The following VSTM4 variants were observed in gnomAD, a reference collection of about 807,000 sequenced individuals.
VSTM4 encodes the protein V-set and transmembrane domain-containing protein 4.
VSTM4 carries 20 observed loss-of-function variants against 36.4 expected under a neutral mutation model. The observed-to-expected ratio is 0.55, with a 90% CI of 0.39 to 0.80. The LOEUF is 0.80. VSTM4 is among the 30% of genes least tolerant of loss of function. The pLI, the probability that VSTM4 is intolerant of heterozygous loss-of-function variation, is 0.00. For missense variants in VSTM4, 392 were observed against 404.5 expected, an observed-to-expected ratio of 0.97 and a Z score of 0.26; for synonymous variants, 182 against 173.9, an observed-to-expected ratio of 1.05 and a Z score of -0.37.
intron 4 of VSTM4, among the ~76,000 whole-genome samples, chr10:49,068,433 G>A (rs759787457): frequency 3.9e-5 from 6 of 152,296 alleles, no homozygotes; most frequent in Non-Finnish European, 8.8e-5. Flanking sequence ...GGAGCCCGAT[G>A]AGGCCAGACA....
intron 7 of VSTM4, among the ~76,000 whole-genome samples, chr10:49,022,121 A>ATT (rs35764389): frequency 0.037 from 4,219 of 114,996 alleles, 80 homozygotes; most frequent in Non-Finnish European, 0.053. Flanking sequence ...TAATGCATTT[A>ATT]TTTTTTTTTA....
In VSTM4 at chr10:49,084,578, A is replaced by G. The variant is rs372376188; in HGVS notation, c.526+1377T>C. Among the ~76,000 whole-genome samples, 49 of 152,344 alleles carry G rather than the reference A, an allele frequency of 3.2e-4. No homozygotes were observed. The South Asian group carries it at 0.01, about 32-fold the overall frequency. ...TGGCCCTCCTTCTGCCAGATCATAC[A>G]ATGGGTTAACAAAGGGTGACAGTAA... On this transcript the variant is annotated intron_variant, in intron 3 of 7. Coordinates refer to ENST00000332853, the MANE Select transcript of VSTM4 (RefSeq NM_001031746.5).
chr10:49,077,819 CTT>C (rs1347185952), intron 3 of VSTM4, among the ~76,000 whole-genome samples: 1 of 152,152 alleles, frequency 6.6e-6, no homozygotes, highest in East Asian at 1.9e-4. Flanking sequence ...CTATACTTGA[CTT>C]TACCAAAATT....
intron 1 of VSTM4, among the ~76,000 whole-genome samples, chr10:49,115,153 T>C (rs1490491380): frequency 6.6e-6 from 1 of 152,066 alleles, no homozygotes. Context: ...GGCCTGCCGC[T>C]GGGAAGATCT....
Position 49,048,465 on chromosome 10 carries a change from G to A in VSTM4, c.775+13C>T, listed in dbSNP as rs1590085401. On this transcript the variant is annotated intron_variant, in intron 6 of 7. Transcript: ENST00000332853. ...ATAGTTTCCAGGTAAGAAACTGCAG[G>A]CCAGCTCCTTACCTTTGGCAGGGAC... 2.5e-6 allele frequency: 4 copies of A among 1,571,758 alleles called. No homozygotes were observed. In the East Asian group the frequency reaches 6.8e-5, roughly 27 times the overall value.
chr10:49,105,331 G>A (rs111209283), intron 2 of VSTM4, among the ~76,000 whole-genome samples: 22,267 of 116,530 alleles, frequency 0.19, 2,316 homozygotes, highest in African/African-American at 0.34. Flanking sequence ...GAGAGAGACG[G>A]GGGGGGGAGA....
chr10:49,074,206 T>C (rs949736262), intron 4 of VSTM4, among the ~76,000 whole-genome samples: 1 of 152,270 alleles, frequency 6.6e-6, no homozygotes, highest in Non-Finnish European at 1.5e-5. Context: ...CTCAGTGTGC[T>C]ATAAATTGCT....
intron 2 of VSTM4, among the ~76,000 whole-genome samples, chr10:49,106,833 C>G (rs576978542): frequency 1.1e-4 from 16 of 152,248 alleles, no homozygotes; most frequent in Non-Finnish European, 2.1e-4. Flanking sequence ...GGCCTAAAGA[C>G]TCCAACAAAC....
intron 7 of VSTM4, among the ~76,000 whole-genome samples, chr10:49,044,447 A>G (rs1843569616): frequency 6.9e-6 from 1 of 145,558 alleles, no homozygotes. Context: ...GGAAGGAAGG[A>G]GAGAAAGAAA....
At chr10:49,103,616 A>G in intron 2 of VSTM4, 6 of 1,480,176 alleles carry the variant, frequency 4.1e-6, no homozygotes, top group Non-Finnish European at 4.5e-6. Context: ...TATTTTTTAA[A>G]TATATCATCG....
chr10:49,100,021 A>C (rs1279860144), intron 2 of VSTM4, among the ~76,000 whole-genome samples: 1 of 152,184 alleles, frequency 6.6e-6, no homozygotes, highest in African/African-American at 2.4e-5. Flanking sequence ...GTGAAAAAGG[A>C]AAAAGAAAAA....
chr10:49,101,725 C>A (rs772717072), intron 2 of VSTM4, among the ~76,000 whole-genome samples: 38 of 152,260 alleles, frequency 2.5e-4, no homozygotes, highest in Non-Finnish European at 4.7e-4. Flanking sequence ...TAGCCTTAGG[C>A]CCAGCAATTC....
At chr10:49,075,036 G>A (rs1039284630) in intron 4 of VSTM4, among the ~76,000 whole-genome samples, 1 of 152,332 alleles carries the variant, frequency 6.6e-6, no homozygotes, top group Non-Finnish European at 1.5e-5. Flanking sequence ...CACAGCGGGT[G>A]CTCAGACAAC....
At chr10:49,045,064 T>C (rs1243726718) in intron 7 of VSTM4, among the ~76,000 whole-genome samples, 1 of 152,232 alleles carries the variant, frequency 6.6e-6, no homozygotes, top group African/African-American at 2.4e-5. Context: ...TGTCTGCCCT[T>C]GTATTAATAC....
chr10:49,102,114 T>C (rs1248474348), intron 2 of VSTM4: 1 of 152,024 alleles, frequency 6.6e-6, no homozygotes, highest in Non-Finnish European at 1.5e-5. Flanking sequence ...GAGAAAGATA[T>C]TTGCGCATTT....
chr10:49,105,533 G>C (rs1031514350), intron 2 of VSTM4, among the ~76,000 whole-genome samples: 7 of 152,092 alleles, frequency 4.6e-5, no homozygotes, highest in Non-Finnish European at 2.9e-5. Flanking sequence ...AGGAAAGTGG[G>C]GGAGCAAGAG....
At chr10:49,058,359 C>CTGCA (rs1469459267) in intron 5 of VSTM4, among the ~76,000 whole-genome samples, 9 of 152,196 alleles carry the variant, frequency 5.9e-5, no homozygotes, top group African/African-American at 2.2e-4. Flanking sequence ...GCAGAATGGA[C>CTGCA]TGCATCACAG....
intron 1 of VSTM4, among the ~76,000 whole-genome samples, chr10:49,113,096 C>T (rs1312531818): frequency 6.6e-6 from 1 of 152,220 alleles, no homozygotes; most frequent in East Asian, 1.9e-4. Context: ...CCCACTTCCT[C>T]TCTGCCTGAA....
At chr10:49,049,433 C>G (rs1175397337) in intron 5 of VSTM4, among the ~76,000 whole-genome samples, 1 of 152,096 alleles carries the variant, frequency 6.6e-6, no homozygotes, top group Non-Finnish European at 1.5e-5. Context: ...TACTCATGGG[C>G]TGGAGTTCGC....
Sources: gnomAD v4.1 joint callset for allele counts (sites outside exome capture counted in the v4.1 genomes callset) on GRCh38, gnomAD v4.1.1 for gene constraint, MANE v1.5 for transcripts, NCBI Gene and HGNC (gene_info 2026-07-23, HGNC 2026-07-21) for gene names.